Variants in PPARA observed in about 807,000 individuals in gnomAD.
The protein encoded by PPARA is peroxisome proliferator activated receptor alpha, also known as peroxisome proliferator-activated receptor alpha.
PPARA carries 22 observed loss-of-function variants against 42.2 expected under a neutral mutation model. The ratio of observed to expected loss-of-function variants is 0.52; its 90% CI spans 0.37 to 0.74. The LOEUF is 0.74. Among genes scored for constraint, PPARA ranks in the 30% least tolerant of loss-of-function variants. The pLI is 0.00. For synonymous variants in PPARA, 242 were observed against 239.3 expected, an observed-to-expected ratio of 1.01 and a Z score of -0.10; for missense variants, 465 against 608.2, an observed-to-expected ratio of 0.76 and a Z score of 2.48.
intron 7 of PPARA, among the ~76,000 whole-genome samples, chr22:46,229,455 A>G (rs1471105038): frequency 6.6e-6 from 1 of 151,962 alleles, no homozygotes; most frequent in Non-Finnish European, 1.5e-5. Context: ...CGGGAGGCTG[A>G]GGCAGGAGAA....
At chr22:46,194,856 G>A (rs1871156428) in intron 3 of PPARA, among the ~76,000 whole-genome samples, 1 of 148,490 alleles carries the variant, frequency 6.7e-6, no homozygotes, top group African/African-American at 2.5e-5. Flanking sequence ...TTACAGGTGC[G>A]AGCCACCACG....
rs549366661 is a variant in PPARA at position 46,180,605 on chromosome 22, GC to G, written c.-43+3771del. On this transcript the variant is annotated intron_variant, in intron 3 of 8. Transcript: ENST00000407236. This position sits in a 1 kb window ranked among gnomAD's most constrained non-coding sequence, Gnocchi z 4.2. Reference sequence around the variant, plus strand: ...ACAAGAATATCACAAGATGATAACGGCCTTTATTCTCACTTCTGTATGCCTG... The same window carrying G: ...ACAAGAATATCACAAGATGATAACGGCTTTATTCTCACTTCTGTATGCCTG... Among the ~76,000 whole-genome samples the G allele has an allele frequency of 1.8e-3, 267 of 152,264 alleles. 1 individual carries two copies. Among genetic ancestry groups the G allele is most frequent in the African/African-American group, 6.3e-3 (260 of 41,552 alleles).
Position 46,157,338 on chromosome 22 carries a change from G to C in PPARA, c.-127+5368G>C, listed in dbSNP as rs190431362. Among the ~76,000 whole-genome samples, 9 of 152,314 alleles carry C rather than the reference G, an allele frequency of 5.9e-5. No homozygotes were observed. In the East Asian group the frequency reaches 1.5e-3, roughly 26 times the overall value. ...TGAAGGGGGAGGCACCTAAACAGGA[G>C]TGCAGACAGCGGCACCTACGGATGA... is the stretch of plus-strand genomic sequence containing the variant. On this transcript the variant is annotated intron_variant, in intron 2 of 8. Coordinates refer to ENST00000407236, the MANE Select transcript of PPARA (RefSeq NM_005036.6).
In PPARA at chr22:46,215,025, G is replaced by C. The variant is rs1934339266; in HGVS notation, c.209-148G>C. On this transcript the variant is annotated intron_variant, in intron 4 of 8. Transcript: ENST00000407236. ...TAGGAGTGCAAGAGGGTGTGACCCA[G>C]AGGCAGGGCCCGGCCCCGCATGGGT... The C allele has an allele frequency of 1.2e-5, 11 of 928,388 alleles. No homozygotes were observed. In the South Asian group the frequency reaches 1.3e-4, roughly 11 times the overall value. The allele number at this position is 928,388 out of a possible 1,614,324, so 57.5% of individuals were successfully genotyped here.
chr22:46,156,924 TG>T lies in PPARA; in HGVS notation c.-127+4955del, dbSNP rs1389129775. On this transcript the variant is annotated intron_variant, in intron 2 of 8. Transcript: ENST00000407236. The surrounding 1 kb of genome is among the most constrained non-coding windows in gnomAD (Gnocchi z 5.2). ...GCCTCCTGTGTGTTTTGAAGGTGATTGTGACCTCAGGTTTTGGCAGGGCTAT... is the reference window on the plus strand; with the variant it reads ...GCCTCCTGTGTGTTTTGAAGGTGATTTGACCTCAGGTTTTGGCAGGGCTAT... Among the ~76,000 whole-genome samples the T allele has an allele frequency of 3.3e-5, 5 of 152,162 alleles. No homozygotes were observed. The highest frequency in any genetic ancestry group is 1.2e-4 in the African/African-American group (5 of 41,440).
Position 46,187,014 on chromosome 22 carries a change from T to C in PPARA, c.-43+10178T>C, listed in dbSNP as rs1443936328. 6.6e-6 allele frequency among the ~76,000 whole-genome samples: 1 copy of C among 152,206 alleles called. No individual in the cohort carries two copies. Among genetic ancestry groups the C allele is most frequent in the East Asian group, 1.9e-4 (1 of 5,200 alleles). ...CTCAGAATATCTTATTGTACTGTAC[T>C]GGGGGTAACTAAAACCAAGGAAAGT... On this transcript the variant is annotated intron_variant, in intron 3 of 8. Transcript: ENST00000407236. This position sits in a 1 kb window ranked among gnomAD's most constrained non-coding sequence, Gnocchi z 4.9.
In PPARA at chr22:46,165,469, G is replaced by A. The variant is rs527737114; in HGVS notation, c.-126-11284G>A. ...AAGAACTGCCAGGCCATGGTCTGGA[G>A]AAGATGGAAACTTGATGTTTGGGGC... On this transcript the variant is annotated intron_variant, in intron 2 of 8. Coordinates refer to ENST00000407236, the MANE Select transcript of PPARA (RefSeq NM_005036.6). This position sits in a 1 kb window ranked among gnomAD's most constrained non-coding sequence, Gnocchi z 5.5. 1 of 152,380 alleles carries A rather than the reference G, an allele frequency of 6.6e-6. No homozygotes were observed. Among genetic ancestry groups the A allele is most frequent in the Admixed American group, 6.5e-5 (1 of 15,290 alleles). 9.4% of individuals were successfully genotyped at this position (152,380 alleles called of 1,614,324 possible).
chr22:46,159,050 CG>C (rs1925748986), intron 2 of PPARA, among the ~76,000 whole-genome samples: 1 of 151,944 alleles, frequency 6.6e-6, no homozygotes, highest in Non-Finnish European at 1.5e-5. Context: ...CCACCACGCC[CG>C]GCTAATTTTT....
rs1934373124 is a variant in PPARA, at chr22:46,215,299, A to G, written c.335A>G (p.Tyr112Cys). 11 of 1,614,176 alleles carry G rather than the reference A, an allele frequency of 6.8e-6. No homozygotes were observed. Among genetic ancestry groups the G allele is most frequent in the Non-Finnish European group, 9.3e-6 (11 of 1,180,030 alleles). Residue 112 changes from tyrosine to cysteine, a missense_variant, in exon 5 of 9, where the codon TAT becomes TGT. Physicochemically the swap from Tyr to Cys is radical, Grantham distance 194. Coordinates refer to ENST00000407236, the MANE Select transcript of PPARA (RefSeq NM_005036.6). ...CRICGDKASGYHYGVHACEGC... is the reference protein window; with the variant it reads ...CRICGDKASGCHYGVHACEGC... ...ATCTGCGGGGACAAGGCCTCAGGCT[A>G]TCATTACGGAGTCCACGCGTGTGAA...
At chr22:46,207,651 T>C (rs1466133309) in intron 4 of PPARA, among the ~76,000 whole-genome samples, 1 of 105,948 alleles carries the variant, frequency 9.4e-6, no homozygotes, top group Non-Finnish European at 1.8e-5. Context: ...TAATTTATTA[T>C]TATTATTATT....
chr22:46,174,998 G>C (rs984484922), intron 2 of PPARA, among the ~76,000 whole-genome samples: 3 of 151,150 alleles, frequency 2.0e-5, no homozygotes, highest in Non-Finnish European at 4.4e-5. Flanking sequence ...TGCAACCTCT[G>C]TCTCCTGGAT....
In PPARA at chr22:46,239,142, G is replaced by C. The variant is rs1297552332; in HGVS notation, c.*3762G>C. On this transcript the variant is annotated 3_prime_UTR_variant, in exon 9 of 9. Coordinates refer to ENST00000407236, the MANE Select transcript of PPARA (RefSeq NM_005036.6). ...TTTTGTTTTGTTTCGCATTTAGAGA[G>C]CAGACAAGGCACCCTTCTGCTGCGC... 4 of 152,128 alleles carry C rather than the reference G, an allele frequency of 2.6e-5. No homozygotes were observed. In the East Asian group the frequency reaches 5.8e-4, roughly 22 times the overall value. The allele number at this position is 152,128 out of a possible 1,614,324, so 9.4% of individuals were successfully genotyped here.
intron 4 of PPARA, among the ~76,000 whole-genome samples, chr22:46,213,515 C>A (rs1934138954): frequency 6.6e-6 from 1 of 151,798 alleles, no homozygotes. Context: ...CCAAGCGATT[C>A]CCCTGCCTCA....
rs71190699 is a variant in PPARA, at chr22:46,154,988, T to TAAAAAAAA, written c.-127+3050_-127+3057dup. On this transcript the variant is annotated intron_variant, in intron 2 of 8. Transcript: ENST00000407236. ...GCACCCGGCATAAGTGGTCTTTCTT[T>TAAAAAAAA]AAAAAAAAAAAAAAAAAAAAAAAAA... 9 of 30,998 alleles carry TAAAAAAAA rather than the reference T, an allele frequency of 2.9e-4. 1 individual carries two copies. The highest frequency in any genetic ancestry group is 4.2e-4 in the Non-Finnish European group (7 of 16,694). The allele number at this position is 30,998 out of a possible 1,614,324, so 1.9% of individuals were successfully genotyped here.
intron 2 of PPARA, among the ~76,000 whole-genome samples, chr22:46,166,734 A>G (rs1291914162): frequency 6.6e-6 from 1 of 152,224 alleles, no homozygotes; most frequent in Non-Finnish European, 1.5e-5. Context: ...GAAATTTTAA[A>G]AGACCTAAAT....
chr22:46,235,351 C>T lies in PPARA; in HGVS notation c.1378C>T (p.Leu460=), dbSNP rs547707099. The T allele has an allele frequency of 1.9e-6, 3 of 1,613,900 alleles. No homozygotes were observed. The highest frequency in any genetic ancestry group is 1.7e-5 in the Admixed American group (1 of 59,994). ...GTCGGATGCTGCGCTGCACCCGCTA[C>T]TGCAGGAGATCTACAGGGACATGTA... ...TESDAALHPL[L]QEIYRDMY Residue 460 remains leucine, a synonymous_variant, in exon 9 of 9, where the codon CTG becomes TTG. Coordinates refer to ENST00000407236, the MANE Select transcript of PPARA (RefSeq NM_005036.6). The surrounding 1 kb of genome is among the most constrained non-coding windows in gnomAD (Gnocchi z 7.0).
intron 4 of PPARA, among the ~76,000 whole-genome samples, chr22:46,199,201 G>A (rs1488312085): frequency 6.6e-6 from 1 of 152,192 alleles, no homozygotes; most frequent in Non-Finnish European, 1.5e-5. Flanking sequence ...ACATTTTTAA[G>A]AGGAGACGTG....
At position 46,221,753 on chromosome 22, in the gene PPARA, C is replaced by T. The variant is rs183406234; in HGVS notation, c.711+1739C>T. Among the ~76,000 whole-genome samples, 2 of 151,766 alleles carry T rather than the reference C, an allele frequency of 1.3e-5. No homozygotes were observed. The highest frequency in any genetic ancestry group is 2.4e-5 in the African/African-American group (1 of 41,292). On this transcript the variant is annotated intron_variant, in intron 7 of 8. Transcript: ENST00000407236. This position sits in a 1 kb window ranked among gnomAD's most constrained non-coding sequence, Gnocchi z 5.9. The stretch of plus-strand genomic sequence containing the variant: ...GGCAGAGCTTGCAGTGAGCCGAGAT[C>T]GTGCCACTGCACTTCCAGCCTGGGC...
At chr22:46,226,588 C>T (rs1935473267) in intron 7 of PPARA, among the ~76,000 whole-genome samples, 1 of 152,142 alleles carries the variant, frequency 6.6e-6, no homozygotes, top group South Asian at 2.1e-4. Context: ...GAGAATAGAA[C>T]TGAATTTTAG....
Sources: gnomAD v4.1 joint callset for allele counts (sites outside exome capture counted in the v4.1 genomes callset) on GRCh38, gnomAD v4.1.1 for gene constraint, Gnocchi (gnomAD v3.1) non-coding constraint, MANE v1.5 for transcripts, NCBI Gene and HGNC (gene_info 2026-07-23, HGNC 2026-07-21) for gene names.